Variants in PTK2 observed in about 807,000 individuals in gnomAD.
PTK2 encodes protein tyrosine kinase 2.
In PTK2, 45 loss-of-function variants were observed where a neutral mutation model predicts 150.1. That is an observed-to-expected ratio of 0.30 (90% CI 0.24 to 0.38). The LOEUF (loss-of-function observed/expected upper bound fraction) is 0.38, where lower values mean the gene tolerates loss of function less well. Among genes scored for constraint, PTK2 ranks in the 10% least tolerant of loss-of-function variants. The pLI, the probability that PTK2 is intolerant of heterozygous loss-of-function variation, is 1.00. For missense variants in PTK2, 919 were observed against 1,307.3 expected (o/e 0.70, Z 4.58); for synonymous variants, 432 against 449.2 (o/e 0.96, Z 0.48).
At chr8:140,850,553 A>G (rs919016416) in intron 5 of PTK2, among the ~76,000 whole-genome samples, 3 of 142,098 alleles carry the variant, frequency 2.1e-5, no homozygotes, top group Middle Eastern at 7.5e-3. Context: ...GTGAAACCCC[A>G]TCTCTACTAA....
chr8:140,864,386 T>C (rs1318342271), exon 5 of PTK2: 2 of 1,575,492 alleles, frequency 1.3e-6, no homozygotes, highest in Admixed American at 3.6e-5. Flanking sequence ...AAATAACGAA[T>C]TCTCAATTCA....
Position 140,673,520 on chromosome 8 carries a change from T to C in PTK2, c.2709+778A>G, listed in dbSNP as rs73366306. Reference sequence around the variant, plus strand: ...AATGTGAATAAAAGGTATATGACAATTGAGAAATAGCGTCTATTTTGAGAG... The same window carrying C: ...AATGTGAATAAAAGGTATATGACAACTGAGAAATAGCGTCTATTTTGAGAG... On this transcript the variant is annotated intron_variant, in intron 29 of 31. Coordinates refer to ENST00000522684, the Ensembl canonical transcript of PTK2. Among the ~76,000 whole-genome samples, 1,315 of 152,184 alleles carry C rather than the reference T, an allele frequency of 8.6e-3. 20 individuals carry two copies. The highest frequency in any genetic ancestry group is 0.075 in the East Asian group (388 of 5,174).
intron 22 of PTK2, among the ~76,000 whole-genome samples, chr8:140,728,525 T>C (rs1239735622): frequency 6.6e-6 from 1 of 152,174 alleles, no homozygotes; most frequent in African/African-American, 2.4e-5. Flanking sequence ...TATTTATTTA[T>C]ATGTTTGTTT....
chr8:140,875,308 AT>A (rs1333653271), intron 4 of PTK2, among the ~76,000 whole-genome samples: 1 of 152,238 alleles, frequency 6.6e-6, no homozygotes. Flanking sequence ...GAAAGCGTTA[AT>A]TAAGATGAAG....
intron 26 of PTK2, among the ~76,000 whole-genome samples, chr8:140,698,912 C>A (rs1467705808): frequency 1.3e-5 from 2 of 148,844 alleles, no homozygotes; most frequent in Non-Finnish European, 3.0e-5. Context: ...ACTGCACCTG[C>A]CTAATTTTTG....
chr8:140,743,723 A>C (rs1004823953), intron 19 of PTK2, among the ~76,000 whole-genome samples: 1 of 152,014 alleles, frequency 6.6e-6, no homozygotes, highest in Non-Finnish European at 1.5e-5. Context: ...CCTTCTGAAA[A>C]CTTGTAAATG....
chr8:140,751,490 CTT>C (rs1041548550), intron 17 of PTK2, among the ~76,000 whole-genome samples: 1 of 151,320 alleles, frequency 6.6e-6, no homozygotes, highest in African/African-American at 2.4e-5. Flanking sequence ...TGTTCTTTTT[CTT>C]TCTTTCTTTT....
chr8:140,837,485 T>C (rs1007307740), intron 7 of PTK2, among the ~76,000 whole-genome samples: 3 of 152,200 alleles, frequency 2.0e-5, no homozygotes, highest in African/African-American at 4.8e-5. Context: ...TCCCAGCACT[T>C]TGGGAGGCCA....
chr8:140,684,176 G>C (rs1263498658), intron 27 of PTK2, among the ~76,000 whole-genome samples: 1 of 152,216 alleles, frequency 6.6e-6, no homozygotes, highest in Non-Finnish European at 1.5e-5. Context: ...TTTGGCACCA[G>C]GGACAGGTTT....
chr8:140,888,852 A>T (rs2100153235), intron 3 of PTK2, among the ~76,000 whole-genome samples: 1 of 152,222 alleles, frequency 6.6e-6, no homozygotes, highest in Non-Finnish European at 1.5e-5. Flanking sequence ...GGGCTGATAC[A>T]ATGGTTTTAT....
At chr8:140,951,945 G>A (rs946856887) in intron 1 of PTK2, among the ~76,000 whole-genome samples, 1 of 151,696 alleles carries the variant, frequency 6.6e-6, no homozygotes. Context: ...CAATGAGATG[G>A]CTCTTGGGTC....
intron 1 of PTK2, among the ~76,000 whole-genome samples, chr8:140,974,773 TCACATA>T (rs908000705): frequency 6.6e-6 from 1 of 152,098 alleles, no homozygotes; most frequent in Non-Finnish European, 1.5e-5. Context: ...GAAAAACAGC[TCACATA>T]CACACACAAT....
intron 26 of PTK2, among the ~76,000 whole-genome samples, chr8:140,695,317 T>C (rs1287410547): frequency 1.3e-5 from 2 of 152,172 alleles, no homozygotes; most frequent in African/African-American, 2.4e-5. Flanking sequence ...CCTGCTGTCA[T>C]TTATTTGAAT....
At chr8:140,663,195 C>A (rs1001918640) in intron 31 of PTK2, 1 of 155,556 alleles carries the variant, frequency 6.4e-6, no homozygotes, top group African/African-American at 2.4e-5. Context: ...AGATACACAG[C>A]CATTCTCAAG....
At chr8:140,717,199 G>A (rs185652911) in intron 23 of PTK2, among the ~76,000 whole-genome samples, 2 of 152,316 alleles carry the variant, frequency 1.3e-5, no homozygotes, top group East Asian at 3.9e-4. Flanking sequence ...ATATGGTCAG[G>A]TAGAGACAGA....
intron 5 of PTK2, among the ~76,000 whole-genome samples, chr8:140,861,260 G>A (rs972379666): frequency 6.6e-6 from 1 of 152,118 alleles, no homozygotes; most frequent in South Asian, 2.1e-4. Context: ...GAGGCAGGGC[G>A]ATTGCTTGAG....
chr8:140,759,101 A>T (rs2100067658), intron 16 of PTK2, among the ~76,000 whole-genome samples: 1 of 152,188 alleles, frequency 6.6e-6, no homozygotes, highest in Non-Finnish European at 1.5e-5. Flanking sequence ...ACGATCATGA[A>T]ATCGCCTAAC....
At chr8:140,811,387 G>C (rs964707792) in intron 10 of PTK2, among the ~76,000 whole-genome samples, 4 of 152,148 alleles carry the variant, frequency 2.6e-5, no homozygotes, top group South Asian at 2.1e-4. Flanking sequence ...TCATCAAATA[G>C]GATAAACAAA....
At chr8:140,927,959 A>G (rs2100170159) in intron 1 of PTK2, among the ~76,000 whole-genome samples, 9 of 29,758 alleles carry the variant, frequency 3.0e-4, no homozygotes, top group African/African-American at 5.2e-4. Flanking sequence ...AAAAAAAAAG[A>G]AAAAAAAAAA....
Sources: gnomAD v4.1 joint callset for allele counts (sites outside exome capture counted in the v4.1 genomes callset) on GRCh38, gnomAD v4.1.1 for gene constraint, MANE v1.5 for transcripts, NCBI Gene and HGNC (gene_info 2026-07-23, HGNC 2026-07-21) for gene names.